FAM53A: variants seen among roughly 807,000 people sequenced by gnomAD.
FAM53A encodes family with sequence similarity 53 member A.
A neutral mutation model predicts 26.6 loss-of-function variants in FAM53A; 28 were observed. That is an observed-to-expected ratio of 1.05 (90% CI 0.78 to 1.45). The LOEUF (loss-of-function observed/expected upper bound fraction) is 1.45, where lower values mean the gene tolerates loss of function less well. Ranked by LOEUF, FAM53A falls within the 40% of genes most tolerant of loss-of-function variation. The pLI is 0.00. For synonymous variants in FAM53A, 290 were observed against 253.1 expected (o/e 1.15, Z -1.38); for missense variants, 650 against 575.8 (o/e 1.13, Z -1.32).
downstream of FAM53A, among the ~76,000 whole-genome samples, chr4:1,636,438 G>A (rs1432864899): frequency 6.6e-6 from 1 of 152,250 alleles, no homozygotes; most frequent in African/African-American, 2.4e-5. Context: ...TTGCGGCAGT[G>A]CATTGCTTTG....
chr4:1,617,547 T>C (rs922203237), downstream of FAM53A, among the ~76,000 whole-genome samples: 1 of 152,164 alleles, frequency 6.6e-6, no homozygotes, highest in Non-Finnish European at 1.5e-5. Flanking sequence ...CCATCACACA[T>C]AATTTAGGAA....
the FAM53A span, among the ~76,000 whole-genome samples, chr4:1,612,513 C>A: frequency 3.9e-5 from 6 of 152,204 alleles, no homozygotes; most frequent in Non-Finnish European, 7.3e-5. Flanking sequence ...ACACACCACA[C>A]ATGCATAGGC....
At chr4:1,625,115 A>G (rs62286199) in intron 1 of FAM53A, among the ~76,000 whole-genome samples, 1,784 of 28,530 alleles carry the variant, frequency 0.063, 48 homozygotes, top group South Asian at 0.095. Context: ...CCACGTCCCG[A>G]CCCACGTGGT....
At chr4:1,670,806 C>T (rs903079841) in intron 1 of FAM53A, among the ~76,000 whole-genome samples, 1 of 152,220 alleles carries the variant, frequency 6.6e-6, no homozygotes, top group Non-Finnish European at 1.5e-5. Flanking sequence ...ACACTGCACA[C>T]CCCACGCTGG....
the FAM53A span, among the ~76,000 whole-genome samples, chr4:1,593,985 G>C: frequency 6.6e-6 from 1 of 152,196 alleles, no homozygotes; most frequent in Non-Finnish European, 1.5e-5. Flanking sequence ...GGGCAGGGCG[G>C]CGTTGCGGAA....
chr4:1,601,233 C>CCGGG, the FAM53A span, among the ~76,000 whole-genome samples: 1 of 87,334 alleles, frequency 1.1e-5, no homozygotes, highest in African/African-American at 3.6e-5. Flanking sequence ...CGCAACAGGT[C>CCGGG]GGACACCCAC....
rs770876254 is a variant in FAM53A, at chr4:1,630,466, C to A, written c.432-12355G>T. 4.6e-5 allele frequency among the ~76,000 whole-genome samples: 7 copies of A among 152,212 alleles called. No homozygotes were observed. Among genetic ancestry groups the A allele is most frequent in the Non-Finnish European group, 1.0e-4 (7 of 68,036 alleles). On this transcript the variant is annotated intron_variant, in intron 1 of 1. Transcript: ENST00000489029. This position sits in a 1 kb window ranked among gnomAD's most constrained non-coding sequence, Gnocchi z 4.3. ...TGGCCAGTGGGCCGCGGTTTGCCGA[C>A]CCCCAACTCATGGATCACGTGTCAC...
At chr4:1,636,667 A>G (rs2108787257), downstream of FAM53A, among the ~76,000 whole-genome samples, 1 of 152,366 alleles carries the variant, frequency 6.6e-6, no homozygotes, top group African/African-American at 2.4e-5. Flanking sequence ...AGTCTAGAGC[A>G]GCAGCCAAGA....
downstream of FAM53A, among the ~76,000 whole-genome samples, chr4:1,635,999 A>G (rs1715822983): frequency 6.6e-6 from 1 of 151,316 alleles, no homozygotes; most frequent in Non-Finnish European, 1.5e-5. Context: ...ACCCGCCACC[A>G]CGCCCGGCTA....
Position 1,655,654 on chromosome 4 carries a change from A to G in FAM53A, c.206T>C (p.Phe69Ser), listed in dbSNP as rs747554055. ...VRSQAATGPD[F>S]SFLPGLSAAA... The stretch of plus-strand genomic sequence containing the variant: ...AGCAGACAGGCCCGGCAGGAAGGAG[A>G]AATCAGGGCCCGTGGCTGCCTGGCT... Residue 69 changes from phenylalanine (F) to serine (S), a missense_variant, in exon 4 of 5, where the codon TTC (phenylalanine) becomes TCC (serine). By Grantham distance (155) the Phe-to-Ser change is radical (BLOSUM62 -2). Transcript: ENST00000308132. 1 of 1,596,706 alleles carries G rather than the reference A, an allele frequency of 6.3e-7. No individual in the cohort carries two copies. Among genetic ancestry groups the G allele is most frequent in the African/African-American group, 1.3e-5 (1 of 74,350 alleles).
chr4:1,665,893 G>A (rs1049990377), intron 2 of FAM53A, among the ~76,000 whole-genome samples: 3 of 151,958 alleles, frequency 2.0e-5, no homozygotes, highest in African/African-American at 7.3e-5. Context: ...CAACCCGAGT[G>A]CAATATAGCC....
chr4:1,585,259 ACTCTCT>A, the FAM53A span, among the ~76,000 whole-genome samples: 1,559 of 114,266 alleles, frequency 0.014, 34 homozygotes, highest in African/African-American at 0.047. Flanking sequence ...TAATGTCTCT[ACTCTCT>A]CTCTCTCTCT....
rs372725137 is a variant in FAM53A at position 1,634,465 on chromosome 4, CCT to C, written c.432-16356_432-16355del. 4.3e-3 allele frequency among the ~76,000 whole-genome samples: 661 copies of C among 152,316 alleles called. 7 individuals are homozygous for C. The highest frequency in any genetic ancestry group is 0.015 in the African/African-American group (635 of 41,562). On this transcript the variant is annotated intron_variant, in intron 1 of 1. Coordinates refer to the FAM53A transcript ENST00000489029. ...CAGCCATCAACCAGCAGCTCCCTCC[CCT>C]GTTCCCATCTGGTTTCACATCAAGA...
rs766803682 is a variant in FAM53A, at chr4:1,641,612, A to G, written c.883-5T>C. The G allele has an allele frequency of 3.1e-6, 5 of 1,613,868 alleles. No individual in the cohort carries two copies. The highest frequency in any genetic ancestry group is 1.1e-5 in the South Asian group (1 of 91,062). ...GCTTTTTGAATTTTTTAAAGTCTGC[A>G]ATAGAAAAGATACGGGCTTAAAGCA... On this transcript the variant is annotated splice_region_variant and splice_polypyrimidine_tract_variant and intron_variant, in intron 4 of 4. Transcript: ENST00000308132.
intron 1 of FAM53A, among the ~76,000 whole-genome samples, chr4:1,623,116 C>A (rs1196260255): frequency 2.0e-5 from 3 of 152,230 alleles, no homozygotes; most frequent in Non-Finnish European, 4.4e-5. Flanking sequence ...TGCGGTCCCC[C>A]ACGCTGAGCA....
At chr4:1,596,077 C>T in the FAM53A span, among the ~76,000 whole-genome samples, 1 of 152,208 alleles carries the variant, frequency 6.6e-6, no homozygotes, top group Admixed American at 6.5e-5. Context: ...GGTCCCTGCT[C>T]CTGCGCTGGG....
At chr4:1,621,546 A>G (rs1715037224) in intron 1 of FAM53A, among the ~76,000 whole-genome samples, 1 of 152,092 alleles carries the variant, frequency 6.6e-6, no homozygotes, top group South Asian at 2.1e-4. Context: ...GGTGGGGGAC[A>G]GTGGGGTGGA....
chr4:1,681,032 C>T (rs887145487), intron 1 of FAM53A, among the ~76,000 whole-genome samples: 4 of 152,030 alleles, frequency 2.6e-5, no homozygotes, highest in African/African-American at 7.2e-5. Context: ...CGTACTACTC[C>T]GGTGGGGGAT....
chr4:1,582,908 T>C, the FAM53A span, among the ~76,000 whole-genome samples: 5 of 152,238 alleles, frequency 3.3e-5, no homozygotes, highest in South Asian at 6.2e-4. Flanking sequence ...GAGAAAAACC[T>C]TGGGATTGGA....
Sources: gnomAD v4.1 joint callset for allele counts (sites outside exome capture counted in the v4.1 genomes callset) on GRCh38, gnomAD v4.1.1 for gene constraint, Gnocchi (gnomAD v3.1) non-coding constraint, MANE v1.5 for transcripts, NCBI Gene and HGNC (gene_info 2026-07-23, HGNC 2026-07-21) for gene names.